The following MAP2K1 variants were observed in gnomAD, a reference collection of about 807,000 sequenced individuals.
The protein encoded by MAP2K1 is mitogen-activated protein kinase kinase 1.
Under a neutral mutation model 46.3 loss-of-function variants are expected in MAP2K1, and 16 were observed. The observed-to-expected ratio is 0.35, with a 90% confidence interval of 0.23 to 0.52. The LOEUF is 0.52. MAP2K1 is among the 20% of genes least tolerant of loss of function. MAP2K1 has a pLI of 0.94. For missense variants in MAP2K1, 263 were observed against 497.1 expected (o/e 0.53, Z 4.48); for synonymous variants, 183 against 185.6 (o/e 0.99, Z 0.11).
chr15:66,480,508 A>C (rs541311427), intron 5 of MAP2K1, among the ~76,000 whole-genome samples: 2 of 152,180 alleles, frequency 1.3e-5, no homozygotes, highest in Non-Finnish European at 2.9e-5. Context: ...AGGCTGAAGC[A>C]GGTGTGTTGC....
intron 5 of MAP2K1, among the ~76,000 whole-genome samples, chr15:66,457,205 G>A (rs911654378): frequency 6.6e-6 from 1 of 152,234 alleles, no homozygotes; most frequent in Non-Finnish European, 1.5e-5. Flanking sequence ...TGCAACCTCT[G>A]CCTCTCAGGT....
At chr15:66,446,188 C>G (rs1384780805) in intron 5 of MAP2K1, among the ~76,000 whole-genome samples, 5 of 152,138 alleles carry the variant, frequency 3.3e-5, no homozygotes, top group Non-Finnish European at 7.4e-5. Flanking sequence ...CCACTGCACT[C>G]CAGCCTGGGT....
At chr15:66,391,377 C>T (rs974234040) in intron 1 of MAP2K1, among the ~76,000 whole-genome samples, 1 of 152,226 alleles carries the variant, frequency 6.6e-6, no homozygotes, top group Non-Finnish European at 1.5e-5. Flanking sequence ...CAAGCTCCGC[C>T]TCCCAGGTTC....
intron 3 of MAP2K1, among the ~76,000 whole-genome samples, chr15:66,439,907 C>A (rs927221575): frequency 6.7e-6 from 1 of 149,556 alleles, no homozygotes; most frequent in Admixed American, 6.7e-5. Context: ...TGCACTCCTG[C>A]CTGGGTGACA....
At chr15:66,454,837 C>T (rs556820951) in intron 5 of MAP2K1, among the ~76,000 whole-genome samples, 1 of 151,750 alleles carries the variant, frequency 6.6e-6, no homozygotes. Context: ...GAGCCGAGAT[C>T]GTGCCACTGC....
intron 5 of MAP2K1, among the ~76,000 whole-genome samples, chr15:66,453,786 T>G (rs1167565798): frequency 1.3e-5 from 2 of 152,218 alleles, no homozygotes; most frequent in African/African-American, 4.8e-5. Flanking sequence ...TTGCTGGAGA[T>G]AGCTTAGTGG....
intron 3 of MAP2K1, among the ~76,000 whole-genome samples, chr15:66,440,558 G>A (rs976495100): frequency 6.6e-5 from 10 of 152,198 alleles, no homozygotes; most frequent in African/African-American, 2.4e-4. Flanking sequence ...GATCAGAACA[G>A]GAATGCTTTT....
chr15:66,410,647 T>C (rs2093409105), intron 1 of MAP2K1, among the ~76,000 whole-genome samples: 1 of 152,150 alleles, frequency 6.6e-6, no homozygotes, highest in Admixed American at 6.5e-5. Context: ...GTCAAAGAAG[T>C]TCCAGTATTC....
intron 5 of MAP2K1, among the ~76,000 whole-genome samples, chr15:66,473,381 C>T (rs1201146388): frequency 3.3e-5 from 5 of 152,074 alleles, no homozygotes; most frequent in Admixed American, 6.6e-5. Flanking sequence ...TTGAGACCAG[C>T]CTGGGCAAAG....
chr15:66,441,074 C>T (rs191011622), intron 3 of MAP2K1, among the ~76,000 whole-genome samples: 114 of 152,206 alleles, frequency 7.5e-4, no homozygotes, highest in Non-Finnish European at 9.0e-4. Context: ...GCAGTCCTCC[C>T]GCCTTAGCCT....
intron 3 of MAP2K1, 66 bp downstream of exon 3, chr15:66,436,958 T>G: frequency 6.3e-7 from 1 of 1,579,182 alleles, no homozygotes; most frequent in Non-Finnish European, 8.7e-7. Flanking sequence ...GGCCTAATCT[T>G]TGGTCTGGGA....
intron 1 of MAP2K1, among the ~76,000 whole-genome samples, chr15:66,409,401 C>T (rs1288851649): frequency 1.3e-5 from 2 of 152,058 alleles, no homozygotes; most frequent in East Asian, 1.9e-4. Flanking sequence ...ATGTTTGGGC[C>T]GGATGGATCT....
At chr15:66,435,366 T>TTA (rs398027712) in intron 2 of MAP2K1, 129 bp downstream of exon 2, 8 of 779,200 alleles carry the variant, frequency 1.0e-5, no homozygotes, top group Non-Finnish European at 1.2e-5. Context: ...TTTTTTTTTT[T>TTA]AAGACGGAGT....
chr15:66,427,193 A>T (rs2093461444), intron 1 of MAP2K1, among the ~76,000 whole-genome samples: 1 of 152,182 alleles, frequency 6.6e-6, no homozygotes, highest in Non-Finnish European at 1.5e-5. Context: ...ATATTTTTTT[A>T]AAAGTTGGAA....
chr15:66,444,881 T>C (rs1327165340), intron 5 of MAP2K1, 174 bp downstream of exon 5: 1 of 624,166 alleles, frequency 1.6e-6, no homozygotes. Flanking sequence ...TCCTACCCTC[T>C]TTTTGGTCTT....
intron 4 of MAP2K1, among the ~76,000 whole-genome samples, chr15:66,443,853 G>A (rs1375804669): frequency 6.6e-6 from 1 of 152,330 alleles, no homozygotes; most frequent in African/African-American, 2.4e-5. Context: ...GGGCGACAGA[G>A]TGAGACCCTG....
At chr15:66,420,473 A>T (rs1009588727) in intron 1 of MAP2K1, among the ~76,000 whole-genome samples, 1 of 151,184 alleles carries the variant, frequency 6.6e-6, no homozygotes, top group South Asian at 2.1e-4. Flanking sequence ...GGATCACCTG[A>T]GCCTGGGAGA....
At position 66,472,075 on chromosome 15, in the gene MAP2K1, CAAAA is replaced by C. The variant is rs56820379; in HGVS notation, c.569-9665_569-9662del. Among the ~76,000 whole-genome samples the C allele has an allele frequency of 5.5e-5, 5 of 91,576 alleles. No individual in the cohort carries two copies. The Admixed American group carries it at 6.3e-4, about 12-fold the overall frequency. 60.1% of individuals were successfully genotyped at this position (91,576 alleles called of 152,430 possible). The stretch of plus-strand genomic sequence containing the variant: ...CTGGCAACAGAGCAAGACTCCATCT[CAAAA>C]AAAAAAAAAAAAAAGATGCTGTTAG... On this transcript the variant is annotated intron_variant, in intron 5 of 10. Transcript: ENST00000307102.
At position 66,491,400 on chromosome 15, in the gene MAP2K1, A is replaced by C. The variant is rs1893253248; in HGVS notation, c.*785A>C. 1 of 231,290 alleles carries C rather than the reference A, an allele frequency of 4.3e-6. No individual in the cohort carries two copies. The highest frequency in any genetic ancestry group is 8.6e-6 in the Non-Finnish European group (1 of 116,832). 14.3% of individuals were successfully genotyped at this position (231,290 alleles called of 1,614,324 possible). On this transcript the variant is annotated 3_prime_UTR_variant, in exon 11 of 11. Coordinates refer to ENST00000307102, the MANE Select transcript of MAP2K1 (RefSeq NM_002755.4). ...GTCGGATTTATCTTTCCCCATATCC[A>C]AGTACCAATGCTGTTGTAAACAACG...
Sources: allele counts gnomAD v4.1 joint callset (sites outside exome capture counted in the v4.1 genomes callset), GRCh38; gene constraint gnomAD v4.1.1; transcripts MANE v1.5; gene names NCBI Gene and HGNC (gene_info 2026-07-23, HGNC 2026-07-21).